TMTC1: variants seen among roughly 807,000 people sequenced by gnomAD.
The protein encoded by TMTC1 is protein O-mannosyl-transferase TMTC1.
Under a neutral mutation model 104.8 loss-of-function variants are expected in TMTC1, and 73 were observed. The observed-to-expected ratio is 0.70, with a 90% CI of 0.58 to 0.85. The LOEUF (loss-of-function observed/expected upper bound fraction) is 0.85, where lower values mean the gene tolerates loss of function less well. TMTC1 is among the 40% of genes least tolerant of loss of function. The pLI, the probability that TMTC1 is intolerant of heterozygous loss-of-function variation, is 0.00. For missense variants in TMTC1, 1,035 were observed against 1,096.1 expected, an observed-to-expected ratio of 0.94 and a Z score of 0.79; for synonymous variants, 434 against 428.7, an observed-to-expected ratio of 1.01 and a Z score of -0.15.
At chr12:29,693,663 A>C (rs964540616) in intron 5 of TMTC1, among the ~76,000 whole-genome samples, 7 of 152,354 alleles carry the variant, frequency 4.6e-5, no homozygotes, top group African/African-American at 1.7e-4. Flanking sequence ...CACAGTATTT[A>C]AATTATACCT....
At chr12:29,695,830 A>ATATATATATATAT (rs1555188384) in intron 5 of TMTC1, among the ~76,000 whole-genome samples, 4 of 66,074 alleles carry the variant, frequency 6.1e-5, no homozygotes, top group South Asian at 5.0e-4. Flanking sequence ...TATATATATA[A>ATATATATATATAT]CCTGTCTTCA....
chr12:29,562,187 C>T (rs780984141), intron 9 of TMTC1, among the ~76,000 whole-genome samples: 1 of 152,154 alleles, frequency 6.6e-6, no homozygotes, highest in Non-Finnish European at 1.5e-5. Context: ...TAACACCTAG[C>T]AAATAAGTTT....
chr12:29,718,361 G>A (rs1942141490), intron 5 of TMTC1, among the ~76,000 whole-genome samples: 1 of 152,176 alleles, frequency 6.6e-6, no homozygotes, highest in South Asian at 2.1e-4. Flanking sequence ...AAAATTTAAA[G>A]ACAGAATCCA....
At chr12:29,564,450 C>A (rs1350911304) in intron 9 of TMTC1, among the ~76,000 whole-genome samples, 2 of 151,936 alleles carry the variant, frequency 1.3e-5, no homozygotes, top group Non-Finnish European at 2.9e-5. Flanking sequence ...AAAGAAGGAG[C>A]AGAAAAAGCA....
At chr12:29,744,523 T>C (rs1191602249) in intron 5 of TMTC1, among the ~76,000 whole-genome samples, 1 of 152,244 alleles carries the variant, frequency 6.6e-6, no homozygotes, top group Non-Finnish European at 1.5e-5. Context: ...AGCACGTTGT[T>C]GAAATGATCC....
At chr12:29,709,562 GA>G (rs535911318) in intron 5 of TMTC1, among the ~76,000 whole-genome samples, 54 of 147,744 alleles carry the variant, frequency 3.7e-4, no homozygotes, top group South Asian at 6.4e-4. Flanking sequence ...TAAAAATTTT[GA>G]AAAAAAAAAT....
rs1386059510 is a variant in TMTC1, at chr12:29,500,956, T to C, written c.*5890A>G. On this transcript the variant is annotated 3_prime_UTR_variant, in exon 18 of 18. Coordinates refer to ENST00000539277, the MANE Select transcript of TMTC1 (RefSeq NM_001193451.2). ...GAGAAATACTTTATGGAAGATAAAT[T>C]CTAACGGGCACAGCCAAAGTAACAA... is the stretch of plus-strand genomic sequence containing the variant. 1 of 152,538 alleles carries C rather than the reference T, an allele frequency of 6.6e-6. No homozygotes were observed. Among genetic ancestry groups the C allele is most frequent in the East Asian group, 1.9e-4 (1 of 5,188 alleles). The allele number at this position is 152,538 out of a possible 1,614,324, so 9.4% of individuals were successfully genotyped here.
At chr12:29,600,887 G>T (rs925067171) in intron 7 of TMTC1, among the ~76,000 whole-genome samples, 11 of 152,192 alleles carry the variant, frequency 7.2e-5, no homozygotes, top group African/African-American at 2.7e-4. Context: ...AGATGACTTA[G>T]TGATAATGCT....
At chr12:29,692,789 C>A (rs1941302238) in intron 5 of TMTC1, among the ~76,000 whole-genome samples, 2 of 145,142 alleles carry the variant, frequency 1.4e-5, no homozygotes, top group Non-Finnish European at 3.0e-5. Flanking sequence ...AAACAAAATA[C>A]AAGTGAACAC....
intron 5 of TMTC1, among the ~76,000 whole-genome samples, chr12:29,689,257 C>T (rs1478542064): frequency 1.4e-5 from 2 of 145,928 alleles, no homozygotes; most frequent in African/African-American, 2.5e-5. Flanking sequence ...GCTTAAGCCA[C>T]TGGTTTTTTT....
intron 5 of TMTC1, among the ~76,000 whole-genome samples, chr12:29,717,654 G>A (rs1407751170): frequency 6.6e-6 from 1 of 152,140 alleles, no homozygotes; most frequent in Non-Finnish European, 1.5e-5. Flanking sequence ...GTTAGCAGTT[G>A]TATTATTTAG....
chr12:29,570,879 AC>A lies in TMTC1; in HGVS notation c.1532+1225del, dbSNP rs1945651298. 2.5e-5 allele frequency among the ~76,000 whole-genome samples: 3 copies of A among 120,400 alleles called. 1 individual carries two copies. Among genetic ancestry groups the A allele is most frequent in the African/African-American group, 6.8e-5 (2 of 29,460 alleles). 79.0% of individuals were successfully genotyped at this position (120,400 alleles called of 152,430 possible). ...ACAAAACAAAACAAAAAAAACAGAA[AC>A]ACCCCCCCCCCCCGCCAAAACACAC... On this transcript the variant is annotated intron_variant, in intron 9 of 17. Coordinates refer to ENST00000539277, the MANE Select transcript of TMTC1 (RefSeq NM_001193451.2).
chr12:29,710,778 TA>T (rs1279145787), intron 5 of TMTC1, among the ~76,000 whole-genome samples: 7 of 127,890 alleles, frequency 5.5e-5, no homozygotes, highest in Admixed American at 1.8e-4. Flanking sequence ...TTTATATTAA[TA>T]ATAAATATAT....
chr12:29,599,884 A>T (rs896893059), intron 7 of TMTC1, among the ~76,000 whole-genome samples: 1 of 150,460 alleles, frequency 6.6e-6, no homozygotes, highest in Non-Finnish European at 1.5e-5. Flanking sequence ...AGTACACCAT[A>T]TATATGTGTA....
At chr12:29,624,105 G>A (rs565077101) in intron 6 of TMTC1, among the ~76,000 whole-genome samples, 2 of 151,968 alleles carry the variant, frequency 1.3e-5, no homozygotes, top group Non-Finnish European at 2.9e-5. Flanking sequence ...TCAGCCTCCT[G>A]AGTATCTGGG....
At chr12:29,629,826 A>G (rs927945283) in intron 6 of TMTC1, among the ~76,000 whole-genome samples, 1 of 152,148 alleles carries the variant, frequency 6.6e-6, no homozygotes, top group African/African-American at 2.4e-5. Context: ...ATGTTATATA[A>G]CTTTCACCTC....
chr12:29,541,003 A>T (rs1320638272), intron 10 of TMTC1, among the ~76,000 whole-genome samples: 2 of 151,800 alleles, frequency 1.3e-5, no homozygotes, highest in African/African-American at 4.8e-5. Flanking sequence ...TCAAAAAAAA[A>T]TAAAAACAAA....
In TMTC1 at chr12:29,516,402, C is replaced by G; in HGVS notation, c.2254G>C (p.Glu752Gln). Reference sequence around the variant, plus strand: ...ATGGCTGACAAGAGGCGATAGCATTCAAGGCATCCGGTCTCCTCTGACACA... The same window carrying G: ...ATGGCTGACAAGAGGCGATAGCATTGAAGGCATCCGGTCTCCTCTGACACA... ...HIVSEETGCL[E>Q]CYRLLSAIYS... Residue 752 changes from glutamate to glutamine, a missense_variant, in exon 15 of 18, where the codon GAA becomes CAA. Coordinates refer to ENST00000539277, the MANE Select transcript of TMTC1 (RefSeq NM_001193451.2). 1.9e-6 allele frequency: 3 copies of G among 1,614,036 alleles called. No individual in the cohort carries two copies. The highest frequency in any genetic ancestry group is 2.2e-5 in the East Asian group (1 of 44,850).
At chr12:29,606,114 G>T (rs1029515284) in intron 6 of TMTC1, among the ~76,000 whole-genome samples, 3 of 152,122 alleles carry the variant, frequency 2.0e-5, no homozygotes, top group Non-Finnish European at 2.9e-5. Context: ...ATCCACTGTT[G>T]ACGAGTATCT....
Sources: gnomAD v4.1 joint callset for allele counts (sites outside exome capture counted in the v4.1 genomes callset) on GRCh38, gnomAD v4.1.1 for gene constraint, MANE v1.5 for transcripts, NCBI Gene and HGNC (gene_info 2026-07-23, HGNC 2026-07-21) for gene names.